The following CADPS variants were observed in gnomAD, a reference collection of about 807,000 sequenced individuals.
CADPS encodes the protein calcium dependent secretion activator.
CADPS carries 57 observed loss-of-function variants against 167.3 expected under a neutral mutation model. The ratio of observed to expected loss-of-function variants is 0.34; its 90% confidence interval spans 0.28 to 0.42. CADPS has a LOEUF of 0.42. Among genes scored for constraint, CADPS ranks in the 20% least tolerant of loss-of-function variants. The pLI is 1.00. For missense variants in CADPS, 1,414 were observed against 1,738.1 expected (o/e 0.81, Z 3.32); for synonymous variants, 676 against 635.3 (o/e 1.06, Z -0.96).
At chr3:62,416,153 C>T (rs2050019399) in intron 28 of CADPS, among the ~76,000 whole-genome samples, 1 of 152,114 alleles carries the variant, frequency 6.6e-6, no homozygotes, top group African/African-American at 2.4e-5. Context: ...ATTAAGCACA[C>T]AAAATTACTC....
chr3:62,746,354 C>A (rs1033659394), intron 3 of CADPS, among the ~76,000 whole-genome samples: 1 of 152,154 alleles, frequency 6.6e-6, no homozygotes, highest in African/African-American at 2.4e-5. Flanking sequence ...TTGATTGAGA[C>A]AGAGTCTCGC....
At chr3:62,462,185 CGTCTTCCAACTG>C (rs1181470086) in intron 26 of CADPS, among the ~76,000 whole-genome samples, 1 of 152,224 alleles carries the variant, frequency 6.6e-6, no homozygotes, top group African/African-American at 2.4e-5. Flanking sequence ...TTGCTAATTG[CGTCTTCCAACTG>C]GGCTGATCTT....
chr3:62,449,548 C>A (rs2057739286), intron 26 of CADPS, among the ~76,000 whole-genome samples: 1 of 152,094 alleles, frequency 6.6e-6, no homozygotes, highest in African/African-American at 2.4e-5. Context: ...CAGCTATACT[C>A]TAGGTAGAAG....
intron 3 of CADPS, among the ~76,000 whole-genome samples, chr3:62,720,761 G>C: frequency 6.6e-6 from 1 of 151,544 alleles, no homozygotes; most frequent in Non-Finnish European, 1.5e-5. Flanking sequence ...TTACTTCAAA[G>C]CCCACATATT....
intron 28 of CADPS, among the ~76,000 whole-genome samples, chr3:62,410,523 C>G (rs1378224360): frequency 6.6e-6 from 1 of 152,210 alleles, no homozygotes; most frequent in African/African-American, 2.4e-5. Context: ...TTCTGAGAGG[C>G]AGTGCAACCT....
In CADPS at chr3:62,554,079, G is replaced by A. The variant is rs1000929658; in HGVS notation, c.1753+3326C>T. ...AGGGTAAAAAAGGTCTTTATGAGTC[G>A]TATAAGAATAATTCAGTTGTTTGAT... is the stretch of plus-strand genomic sequence containing the variant. On this transcript the variant is annotated intron_variant, in intron 10 of 29. Coordinates refer to ENST00000383710, the MANE Select transcript of CADPS (RefSeq NM_003716.4). 2.1e-4 allele frequency among the ~76,000 whole-genome samples: 32 copies of A among 152,302 alleles called. 1 individual carries two copies. The highest frequency in any genetic ancestry group is 3.4e-3 in the Middle Eastern group (1 of 294).
At chr3:62,780,845 A>T (rs531733034) in intron 1 of CADPS, among the ~76,000 whole-genome samples, 1 of 152,284 alleles carries the variant, frequency 6.6e-6, no homozygotes, top group African/African-American at 2.4e-5. Flanking sequence ...TAAATCTTTG[A>T]TAACAGCTCA....
chr3:62,524,272 T>C (rs528259004), intron 13 of CADPS, among the ~76,000 whole-genome samples: 2 of 152,226 alleles, frequency 1.3e-5, no homozygotes, highest in East Asian at 3.9e-4. Context: ...ATCTATATGG[T>C]TTGTACAATC....
chr3:62,465,507 A>G lies in CADPS; in HGVS notation c.3553-57T>C, dbSNP rs2059841319. 1.7e-6 allele frequency: 2 copies of G among 1,206,920 alleles called. No homozygotes were observed. The highest frequency in any genetic ancestry group is 1.5e-5 in the African/African-American group (1 of 65,752). The allele number at this position is 1,206,920 out of a possible 1,614,324, so 74.8% of individuals were successfully genotyped here. A position where few individuals can be genotyped will look rare whatever the true frequency, so the allele number is the denominator to read the frequency against. On this transcript the variant is annotated intron_variant, in intron 25 of 29. Coordinates refer to ENST00000383710, the MANE Select transcript of CADPS (RefSeq NM_003716.4). The surrounding 1 kb of genome is among the most constrained non-coding windows in gnomAD (Gnocchi z 4.1). ...ATTTCAAACTATAATTGTTCACCATAAAGCACATCATTTCCCCACCACATA... is the reference window on the plus strand; with the variant it reads ...ATTTCAAACTATAATTGTTCACCATGAAGCACATCATTTCCCCACCACATA...
At chr3:62,853,437 CA>C (rs1327447814) in intron 1 of CADPS, among the ~76,000 whole-genome samples, 2 of 151,528 alleles carry the variant, frequency 1.3e-5, no homozygotes, top group African/African-American at 4.8e-5. Flanking sequence ...CAAGCCTGGC[CA>C]ACATGGTGAA....
intron 1 of CADPS, among the ~76,000 whole-genome samples, chr3:62,811,877 T>C (rs1386286721): frequency 1.3e-5 from 2 of 152,206 alleles, no homozygotes; most frequent in African/African-American, 2.4e-5. Flanking sequence ...AATTAAACTT[T>C]ACAGATACTA....
intron 6 of CADPS, among the ~76,000 whole-genome samples, chr3:62,599,684 T>C (rs2059468481): frequency 2.2e-5 from 1 of 46,436 alleles, no homozygotes; most frequent in Non-Finnish European, 3.5e-5. Flanking sequence ...TACAATATTA[T>C]ATAATATTAT....
At position 62,854,524 on chromosome 3, in the gene CADPS, T is replaced by C. The variant is rs9822386; in HGVS notation, c.441+20065A>G. Among the ~76,000 whole-genome samples, 1,066 of 152,348 alleles carry C rather than the reference T, an allele frequency of 7.0e-3. 15 individuals are homozygous for C. Among genetic ancestry groups the C allele is most frequent in the African/African-American group, 0.024 (979 of 41,586 alleles). ...TCTCTGCTGTCAAGGAATATCTCCA[T>C]ATTACAATGAGGAAAGTACTAATGC... On this transcript the variant is annotated intron_variant, in intron 1 of 29. Coordinates refer to ENST00000383710, the MANE Select transcript of CADPS (RefSeq NM_003716.4).
chr3:62,541,585 G>C (rs901692306), intron 11 of CADPS, among the ~76,000 whole-genome samples: 1 of 152,236 alleles, frequency 6.6e-6, no homozygotes, highest in African/African-American at 2.4e-5. Context: ...CCCCAAGTTT[G>C]CTTGGAAGTA....
At chr3:62,810,232 T>C (rs1285785569) in intron 1 of CADPS, among the ~76,000 whole-genome samples, 10 of 152,162 alleles carry the variant, frequency 6.6e-5, no homozygotes, top group African/African-American at 2.4e-4. Context: ...AAAAACTATT[T>C]TCTGTGTAGG....
intron 1 of CADPS, among the ~76,000 whole-genome samples, chr3:62,829,811 CCTACTGAGAAGGAA>C (rs1172656960): frequency 2.6e-5 from 4 of 152,122 alleles, no homozygotes; most frequent in African/African-American, 4.8e-5. Context: ...AAAAATAGTT[CCTACTGAGAAGGAA>C]CTACTGAGAA....
chr3:62,744,505 A>G (rs1575743949), intron 3 of CADPS, among the ~76,000 whole-genome samples: 1 of 152,228 alleles, frequency 6.6e-6, no homozygotes, highest in African/African-American at 2.4e-5. Context: ...AATTCAAATT[A>G]TTAGCATGGG....
At chr3:62,442,773 C>A (rs1320552332) in intron 27 of CADPS, among the ~76,000 whole-genome samples, 1 of 152,102 alleles carries the variant, frequency 6.6e-6, no homozygotes, top group Non-Finnish European at 1.5e-5. Flanking sequence ...TGCTTATTCA[C>A]CAGGTGACCT....
rs141015535 is a variant in CADPS, at chr3:62,738,925, A to T, written c.888+14516T>A. Among the ~76,000 whole-genome samples the T allele has an allele frequency of 1.2e-3, 177 of 152,328 alleles. No individual in the cohort carries two copies. The East Asian group carries it at 0.031, about 27-fold the overall frequency. ...AGTTGGGCATATATTGGCTTTAAAC[A>T]ATTTTATGCCAGGGCATGTCAGCAA... On this transcript the variant is annotated intron_variant, in intron 3 of 29. Coordinates refer to ENST00000383710, the MANE Select transcript of CADPS (RefSeq NM_003716.4).
Sources: gnomAD v4.1 joint callset for allele counts (sites outside exome capture counted in the v4.1 genomes callset) on GRCh38, gnomAD v4.1.1 for gene constraint, Gnocchi (gnomAD v3.1) non-coding constraint, MANE v1.5 for transcripts, NCBI Gene and HGNC (gene_info 2026-07-23, HGNC 2026-07-21) for gene names.